The following PPP6R3 variants were observed in gnomAD, a reference collection of about 807,000 sequenced individuals.
PPP6R3 encodes protein phosphatase 6 regulatory subunit 3, also known as serine/threonine-protein phosphatase 6 regulatory subunit 3.
In PPP6R3, 38 loss-of-function variants were observed where a neutral mutation model predicts 110.7. The ratio of observed to expected loss-of-function variants is 0.34; its 90% CI spans 0.26 to 0.45. The LOEUF (loss-of-function observed/expected upper bound fraction) is 0.45, where lower values mean the gene tolerates loss of function less well. Among genes scored for constraint, PPP6R3 ranks in the 20% least tolerant of loss-of-function variants. The pLI is 1.00. For missense variants in PPP6R3, 870 were observed against 1,062.4 expected (o/e 0.82, Z 2.52); for synonymous variants, 369 against 373.5 (o/e 0.99, Z 0.14).
At chr11:68,530,146 A>G (rs998200521) in intron 2 of PPP6R3, among the ~76,000 whole-genome samples, 2 of 152,242 alleles carry the variant, frequency 1.3e-5, no homozygotes, top group African/African-American at 4.8e-5. Flanking sequence ...TGTGGCTACT[A>G]GAACATTTAA....
intron 1 of PPP6R3, among the ~76,000 whole-genome samples, chr11:68,511,557 G>A (rs960782359): frequency 7.0e-6 from 1 of 142,988 alleles, no homozygotes; most frequent in East Asian, 2.2e-4. Flanking sequence ...CTCAGCTCAT[G>A]GCAACCTCTG....
intron 2 of PPP6R3, among the ~76,000 whole-genome samples, chr11:68,533,570 T>C (rs1266003384): frequency 6.6e-6 from 1 of 151,568 alleles, no homozygotes; most frequent in African/African-American, 2.4e-5. Flanking sequence ...CCAGGTGTGG[T>C]GGCACGGGTC....
Position 68,614,184 on chromosome 11 carries a change from A to G in PPP6R3, c.*1067A>G, listed in dbSNP as rs1222422702. ...CCGAAGCATGCTAATTGTTTACTGT[A>G]CCTTGTGAGGTTTTCACTCATAAAT... On this transcript the variant is annotated 3_prime_UTR_variant, in exon 24 of 24. Coordinates refer to ENST00000393800, the MANE Select transcript of PPP6R3 (RefSeq NM_001164161.2). The G allele has an allele frequency of 1.3e-5, 13 of 988,224 alleles. No individual in the cohort carries two copies. The highest frequency in any genetic ancestry group is 1.7e-5 in the African/African-American group (1 of 57,238). 61.2% of individuals were successfully genotyped at this position (988,224 alleles called of 1,614,324 possible). A position where few individuals can be genotyped will look rare whatever the true frequency, so the allele number is the denominator to read the frequency against.
At chr11:68,595,059 A>G (rs986134363) in intron 18 of PPP6R3, among the ~76,000 whole-genome samples, 1 of 152,182 alleles carries the variant, frequency 6.6e-6, no homozygotes. Flanking sequence ...TATATAATAC[A>G]TTAACTCAAA....
chr11:68,590,643 A>G lies in PPP6R3; in HGVS notation c.1731-17A>G, dbSNP rs80284531. On this transcript the variant is annotated splice_polypyrimidine_tract_variant and intron_variant, in intron 16 of 23. Coordinates refer to ENST00000393800, the MANE Select transcript of PPP6R3 (RefSeq NM_001164161.2). ...AGTAATTAATGCTTCCTACACTTTT[A>G]TTTTGTTTTTTTACAGTGTTTCTTT... 2 of 892,250 alleles carry G rather than the reference A, an allele frequency of 2.2e-6. No individual in the cohort carries two copies. The highest frequency in any genetic ancestry group is 3.0e-5 in the Admixed American group (1 of 33,020). The allele number at this position is 892,250 out of a possible 1,614,324, so 55.3% of individuals were successfully genotyped here. A position where few individuals can be genotyped will look rare whatever the true frequency, so the allele number is the denominator to read the frequency against.
intron 2 of PPP6R3, chr11:68,522,457 TC>T (rs1483836292): frequency 6.6e-6 from 1 of 152,252 alleles, no homozygotes; most frequent in Admixed American, 6.5e-5. Flanking sequence ...TATCCAGTGT[TC>T]AGTAATGGTC....
At chr11:68,593,996 G>A (rs1315285638) in intron 18 of PPP6R3, among the ~76,000 whole-genome samples, 2 of 152,042 alleles carry the variant, frequency 1.3e-5, no homozygotes, top group Non-Finnish European at 2.9e-5. Flanking sequence ...AAAAAATGAG[G>A]CCTAATTAAT....
chr11:68,521,917 T>C (rs2099166080), intron 2 of PPP6R3, among the ~76,000 whole-genome samples: 1 of 152,196 alleles, frequency 6.6e-6, no homozygotes, highest in Non-Finnish European at 1.5e-5. Context: ...CCCATCAAAA[T>C]CTATTGCAAA....
At chr11:68,541,114 A>G (rs1291496900) in intron 3 of PPP6R3, among the ~76,000 whole-genome samples, 1 of 152,240 alleles carries the variant, frequency 6.6e-6, no homozygotes, top group Admixed American at 6.5e-5. Context: ...ATTGCAGTAA[A>G]GACAGACATA....
intron 1 of PPP6R3, among the ~76,000 whole-genome samples, chr11:68,477,743 T>A (rs7113504): frequency 0.047 from 2,880 of 60,684 alleles, 88 homozygotes; most frequent in African/African-American, 0.14. Context: ...AAAAAAAAAA[T>A]ATATATATAT....
intron 1 of PPP6R3, among the ~76,000 whole-genome samples, chr11:68,500,363 CTTTTG>C (rs1231740350): frequency 6.6e-6 from 1 of 151,826 alleles, no homozygotes; most frequent in African/African-American, 2.4e-5. Context: ...GGACTGGGCT[CTTTTG>C]TTTTGTGGTA....
At position 68,596,262 on chromosome 11, in the gene PPP6R3, T is replaced by A. The variant is rs750310385; in HGVS notation, c.2038+44T>A. On this transcript the variant is annotated intron_variant, in intron 19 of 23. Transcript: ENST00000393800. ...CAGATCAGCTGCCCTGTGTTGGAAT[T>A]AGGTATTGTGAACAATTGGCAAAGG... 27 of 1,612,578 alleles carry A rather than the reference T, an allele frequency of 1.7e-5. No homozygotes were observed. In the South Asian group the frequency reaches 2.6e-4, roughly 16 times the overall value.
chr11:68,492,184 G>C (rs914885399), intron 1 of PPP6R3, among the ~76,000 whole-genome samples: 2 of 152,014 alleles, frequency 1.3e-5, no homozygotes, highest in Admixed American at 1.3e-4. Context: ...TTTTTTAGAG[G>C]CAGAGTCTTG....
chr11:68,521,067 C>T (rs752692449), intron 2 of PPP6R3, among the ~76,000 whole-genome samples: 6 of 152,262 alleles, frequency 3.9e-5, no homozygotes, highest in South Asian at 2.1e-4. Flanking sequence ...CCACCGCGTC[C>T]GGCCTCACAG....
Position 68,564,287 on chromosome 11 carries a change from C to T in PPP6R3, c.846-16C>T. 6.3e-7 allele frequency: 1 copy of T among 1,590,666 alleles called. No individual in the cohort carries two copies. The highest frequency in any genetic ancestry group is 1.4e-5 in the African/African-American group (1 of 74,000). On this transcript the variant is annotated splice_polypyrimidine_tract_variant and intron_variant, in intron 8 of 23. Coordinates refer to ENST00000393800, the MANE Select transcript of PPP6R3 (RefSeq NM_001164161.2). Reference sequence around the variant, plus strand: ...TCTGAAATTATAATAACTAAAATTCCTTGCTTTGTTTCAAGATTTGAAGGC... The same window carrying T: ...TCTGAAATTATAATAACTAAAATTCTTTGCTTTGTTTCAAGATTTGAAGGC...
chr11:68,498,745 T>C (rs1208092466), intron 1 of PPP6R3, among the ~76,000 whole-genome samples: 1 of 152,220 alleles, frequency 6.6e-6, no homozygotes, highest in East Asian at 1.9e-4. Flanking sequence ...GGATAGATGG[T>C]AGTTTTGGGC....
chr11:68,551,196 C>A lies in PPP6R3; in HGVS notation c.618+10C>A. 6.3e-7 allele frequency: 1 copy of A among 1,594,324 alleles called. No homozygotes were observed. The highest frequency in any genetic ancestry group is 8.6e-7 in the Non-Finnish European group (1 of 1,166,128). ...ATCGCAAGAAGAAGATGTAAGTTCA[C>A]TTGTGTGACTGTAAACTTGATTAGA... On this transcript the variant is annotated intron_variant, in intron 6 of 23. Transcript: ENST00000393800.
At position 68,575,921 on chromosome 11, in the gene PPP6R3, G is replaced by A. The variant is rs201779447; in HGVS notation, c.1460-37G>A. The A allele has an allele frequency of 3.0e-3, 4,411 of 1,463,402 alleles. 13 individuals are homozygous for A. The highest frequency in any genetic ancestry group is 4.0e-3 in the Non-Finnish European group (4,156 of 1,048,208). 90.7% of individuals were successfully genotyped at this position (1,463,402 alleles called of 1,614,324 possible). A position where few individuals can be genotyped will look rare whatever the true frequency, so the allele number is the denominator to read the frequency against. ...TTTATTTGTCTCCGTGGAGGTCATT[G>A]TGGTGATAATGCTTTTTTGCTTTTC... is the stretch of plus-strand genomic sequence containing the variant. On this transcript the variant is annotated intron_variant, in intron 13 of 23. Transcript: ENST00000393800.
At chr11:68,501,382 C>T (rs529235297) in intron 1 of PPP6R3, among the ~76,000 whole-genome samples, 2 of 152,346 alleles carry the variant, frequency 1.3e-5, no homozygotes, top group Admixed American at 6.5e-5. Context: ...AGCTGGAGGG[C>T]AGTGGCGGGA....
Sources: allele counts gnomAD v4.1 joint callset (sites outside exome capture counted in the v4.1 genomes callset), GRCh38; gene constraint gnomAD v4.1.1; transcripts MANE v1.5; gene names NCBI Gene and HGNC (gene_info 2026-07-23, HGNC 2026-07-21).